The following ANXA10 variants were observed in gnomAD, a reference collection of about 807,000 sequenced individuals.
ANXA10 encodes annexin 14.
In ANXA10, 49 loss-of-function variants were observed where a neutral mutation model predicts 53.5. The observed-to-expected ratio is 0.92, with a 90% CI of 0.73 to 1.16. The LOEUF is 1.16. Ranked by LOEUF, ANXA10 falls within the 50% of genes most tolerant of loss-of-function variation. The pLI, the probability that ANXA10 is intolerant of heterozygous loss-of-function variation, is 0.00. For missense variants in ANXA10, 393 were observed against 394.4 expected, an observed-to-expected ratio of 1.00 and a Z score of 0.03; for synonymous variants, 131 against 128.9, an observed-to-expected ratio of 1.02 and a Z score of -0.11.
chr4:168,158,696 C>A (rs1731730692), intron 3 of ANXA10, among the ~76,000 whole-genome samples: 1 of 152,072 alleles, frequency 6.6e-6, no homozygotes, highest in Non-Finnish European at 1.5e-5. Flanking sequence ...TTTGTAAATG[C>A]CCTCTATCAG....
intron 4 of ANXA10, 143 bp from the exon 5 acceptor site, chr4:168,164,055 G>T (rs1035902580): frequency 3.4e-6 from 2 of 593,570 alleles, no homozygotes; most frequent in Admixed American, 3.0e-5. Flanking sequence ...AACTAAGATT[G>T]TGCCTGCCTT....
At chr4:168,169,756 C>G (rs1731948085) in intron 6 of ANXA10, among the ~76,000 whole-genome samples, 1 of 152,176 alleles carries the variant, frequency 6.6e-6, no homozygotes, top group South Asian at 2.1e-4. Flanking sequence ...ATCTCCAACC[C>G]CATTTGGTTC....
intron 3 of ANXA10, among the ~76,000 whole-genome samples, chr4:168,154,345 G>T (rs985728157): frequency 2.0e-5 from 3 of 151,954 alleles, no homozygotes; most frequent in African/African-American, 7.3e-5. Flanking sequence ...CATATTTTGT[G>T]CACTCAGTAC....
At chr4:168,116,198 A>C (rs1730890727) in intron 1 of ANXA10, among the ~76,000 whole-genome samples, 2 of 152,196 alleles carry the variant, frequency 1.3e-5, no homozygotes, top group Admixed American at 1.3e-4. Context: ...CTAGGTCTCA[A>C]ATTTTGAGTG....
intron 6 of ANXA10, among the ~76,000 whole-genome samples, chr4:168,167,081 A>G (rs1731895094): frequency 6.6e-6 from 1 of 152,034 alleles, no homozygotes; most frequent in African/African-American, 2.4e-5. Flanking sequence ...TCCAGTCCCA[A>G]TTGCTTCCAT....
intron 3 of ANXA10, among the ~76,000 whole-genome samples, chr4:168,141,933 G>C (rs1183599310): frequency 6.6e-6 from 1 of 152,114 alleles, no homozygotes; most frequent in Non-Finnish European, 1.5e-5. Flanking sequence ...GCGCATGCGT[G>C]GGCCAGGGGT....
intron 3 of ANXA10, among the ~76,000 whole-genome samples, chr4:168,154,767 C>T (rs1317058921): frequency 6.6e-6 from 1 of 152,114 alleles, no homozygotes; most frequent in African/African-American, 2.4e-5. Flanking sequence ...CTAGCTATGT[C>T]ACCTTTGTGT....
chr4:168,139,953 G>C (rs560014279), intron 3 of ANXA10, among the ~76,000 whole-genome samples: 34 of 152,240 alleles, frequency 2.2e-4, no homozygotes, highest in Admixed American at 7.2e-4. Flanking sequence ...AAAAATTAAT[G>C]ATCACCAGTT....
chr4:168,111,841 A>C (rs1444864799), intron 1 of ANXA10, among the ~76,000 whole-genome samples: 1 of 152,234 alleles, frequency 6.6e-6, no homozygotes, highest in African/African-American at 2.4e-5. Flanking sequence ...TAAATAATAT[A>C]GTACTGATCA....
intron 4 of ANXA10, 145 bp from the exon 5 acceptor site, chr4:168,164,053 T>C (rs1731831551): frequency 1.7e-6 from 1 of 588,950 alleles, no homozygotes; most frequent in East Asian, 2.8e-5. Context: ...GAAACTAAGA[T>C]TGTGCCTGCC....
At chr4:168,107,720 C>A (rs1303858390) in intron 1 of ANXA10, among the ~76,000 whole-genome samples, 1 of 152,172 alleles carries the variant, frequency 6.6e-6, no homozygotes, top group African/African-American at 2.4e-5. Context: ...CAGATGGCCA[C>A]TTTCTTGCTG....
At chr4:168,155,740 C>CATATA (rs1731617195) in intron 3 of ANXA10, among the ~76,000 whole-genome samples, 1 of 30,508 alleles carries the variant, frequency 3.3e-5, no homozygotes, top group African/African-American at 1.3e-4. Context: ...TATGATATAT[C>CATATA]ATATATTATA....
intron 1 of ANXA10, among the ~76,000 whole-genome samples, chr4:168,124,667 G>A (rs1222876869): frequency 2.0e-5 from 3 of 152,118 alleles, no homozygotes; most frequent in Admixed American, 2.0e-4. Context: ...GGGCAAGAAT[G>A]GGATGTAATT....
At chr4:168,182,782 G>C (rs1438572169) in intron 10 of ANXA10, among the ~76,000 whole-genome samples, 1 of 150,096 alleles carries the variant, frequency 6.7e-6, no homozygotes, top group South Asian at 2.1e-4. Context: ...AGGCCGAGGC[G>C]GGTGGATCAC....
intron 10 of ANXA10, among the ~76,000 whole-genome samples, chr4:168,182,883 A>G (rs7662957): frequency 0.34 from 50,730 of 149,636 alleles, 9,666 homozygotes; most frequent in African/African-American, 0.52. Context: ...GGTTGCAGGC[A>G]TCTGTAGTTC....
At chr4:168,122,845 A>ACT (rs986343413) in intron 1 of ANXA10, among the ~76,000 whole-genome samples, 1 of 152,036 alleles carries the variant, frequency 6.6e-6, no homozygotes, top group Admixed American at 6.6e-5. Context: ...CACCTCCAAC[A>ACT]CTGGAGCCCA....
At chr4:168,185,465 C>A (rs1478894549) in intron 11 of ANXA10, among the ~76,000 whole-genome samples, 1 of 152,210 alleles carries the variant, frequency 6.6e-6, no homozygotes, top group East Asian at 1.9e-4. Flanking sequence ...TAGCTATATA[C>A]AACTCTACAT....
At chr4:168,156,150 A>ATATGTTATATATAATATATATAT (rs1731658399) in intron 3 of ANXA10, among the ~76,000 whole-genome samples, 2 of 18,546 alleles carry the variant, frequency 1.1e-4, no homozygotes, top group Non-Finnish European at 8.5e-5. Flanking sequence ...TAAAAATAAT[A>ATATGTTATATATAATATATATAT]TATATTATAT....
At position 168,099,859 on chromosome 4, in the gene ANXA10, A is replaced by C. The variant is rs1322604615; in HGVS notation, c.18+7141A>C. 2.0e-5 allele frequency among the ~76,000 whole-genome samples: 3 copies of C among 152,102 alleles called. No individual in the cohort carries two copies. The East Asian group carries it at 5.8e-4, about 29-fold the overall frequency. ...CATTTGGCAGAGGGAAATCAGTATCAAATAATACCTCCTCTCAGAATCACT... is the reference window on the plus strand; with the variant it reads ...CATTTGGCAGAGGGAAATCAGTATCCAATAATACCTCCTCTCAGAATCACT... On this transcript the variant is annotated intron_variant, in intron 1 of 11. Coordinates refer to ENST00000359299, the MANE Select transcript of ANXA10 (RefSeq NM_007193.5).
Sources: allele counts gnomAD v4.1 joint callset (sites outside exome capture counted in the v4.1 genomes callset), GRCh38; gene constraint gnomAD v4.1.1; transcripts MANE v1.5; gene names NCBI Gene and HGNC (gene_info 2026-07-23, HGNC 2026-07-21).